Variants in XIRP2 observed in about 807,000 individuals in gnomAD.
The protein encoded by XIRP2 is xin actin-binding repeat-containing protein 2.
A neutral mutation model predicts 277.0 loss-of-function variants in XIRP2; 236 were observed. That is an observed-to-expected ratio of 0.85 (90% CI 0.77 to 0.95). The LOEUF is 0.95. XIRP2 is among the 40% of genes least tolerant of loss of function. The pLI is 0.00. For synonymous variants in XIRP2, 1,490 were observed against 1,416.5 expected, an observed-to-expected ratio of 1.05 and a Z score of -1.17; for missense variants, 4,640 against 4,157.5, an observed-to-expected ratio of 1.12 and a Z score of -3.19.
chr2:167,091,233 A>G (rs1690138544), intron 2 of XIRP2, among the ~76,000 whole-genome samples: 1 of 151,740 alleles, frequency 6.6e-6, no homozygotes, highest in Non-Finnish European at 1.5e-5. Context: ...CTGTGACTTG[A>G]TGTCTTTATT....
At chr2:167,193,035 TTCCAAGATTCATCATCCCTTCATCA>T (rs1314468272) in intron 3 of XIRP2, among the ~76,000 whole-genome samples, 18 of 152,316 alleles carry the variant, frequency 1.2e-4, no homozygotes, top group Non-Finnish European at 2.5e-4. Context: ...ATGGAAATAA[TTCCAAGATTCATCATCCCTTCATCA>T]TCCAGATCTG....
intron 2 of XIRP2, among the ~76,000 whole-genome samples, chr2:167,089,175 G>A (rs891772876): frequency 2.6e-5 from 4 of 151,984 alleles, no homozygotes; most frequent in Admixed American, 2.6e-4. Context: ...CACAGTTCCA[G>A]CATCACATGT....
Position 167,247,939 on chromosome 2 carries a change from C to G in XIRP2, c.6547C>G (p.Gln2183Glu), listed in dbSNP as rs1695332692. Reference protein sequence around the residue: ...GGTYDLSGDFQKQTLLKQETK... With the variant: ...GGTYDLSGDFEKQTLLKQETK... ...AACTTACGACCTTTCAGGGGACTTT[C>G]AGAAGCAAACTTTGTTAAAGCAAGA... is the stretch of plus-strand genomic sequence containing the variant. The change falls in exon 9 of 11, where the codon CAG (glutamine) becomes GAG (glutamate). Residue 2183 changes from glutamine (Q) to glutamate (E), a missense_variant. Gln to Glu is a conservative substitution (Grantham distance 29). Transcript: ENST00000409195. The G allele has an allele frequency of 1.2e-6, 2 of 1,610,204 alleles. No homozygotes were observed. The highest frequency in any genetic ancestry group is 1.7e-6 in the Non-Finnish European group (2 of 1,179,038).
intron 2 of XIRP2, among the ~76,000 whole-genome samples, chr2:166,969,967 T>C (rs188900055): frequency 7.9e-4 from 120 of 152,138 alleles, no homozygotes; most frequent in Non-Finnish European, 1.5e-3. Context: ...CTCAGTTTCA[T>C]GAACCATTAG....
chr2:167,081,310 T>TA (rs975630876), intron 2 of XIRP2, among the ~76,000 whole-genome samples: 13 of 151,912 alleles, frequency 8.6e-5, no homozygotes, highest in Admixed American at 5.2e-4. Context: ...CTGCAAAAAA[T>TA]AAAAATTAAA....
At chr2:166,998,583 G>A (rs576622928) in intron 2 of XIRP2, among the ~76,000 whole-genome samples, 2 of 152,222 alleles carry the variant, frequency 1.3e-5, no homozygotes, top group East Asian at 3.9e-4. Context: ...CTTGCAGTGA[G>A]CTGTGATAGC....
At chr2:167,141,565 C>T (rs1691718941) in intron 3 of XIRP2, among the ~76,000 whole-genome samples, 1 of 152,098 alleles carries the variant, frequency 6.6e-6, no homozygotes, top group African/African-American at 2.4e-5. Context: ...GAATCAGCCA[C>T]ACGGGAAGGT....
chr2:167,251,845 C>T lies in XIRP2; in HGVS notation c.10453C>T (p.Gln3485Ter), dbSNP rs1695516831. 3 of 1,612,684 alleles carry T rather than the reference C, an allele frequency of 1.9e-6. No homozygotes were observed. In the African/African-American group the frequency reaches 4.0e-5, roughly 22 times the overall value. Residue 3485 changes from glutamine (Q) to a stop codon, truncating the protein, a stop_gained, in exon 9 of 11, where the codon CAA becomes TAA. Coordinates refer to ENST00000409195, the MANE Select transcript of XIRP2 (RefSeq NM_152381.6). LOFTEE classifies it high-confidence loss of function. ...AAGAAAAAATTTTCAAAAGACGTGG[C>T]AAGAGAGTGGAAGAGTTTTTAAAGG... ...EVRKNFQKTW[Q>*]ESGRVFKGLG... is the part of the protein sequence containing the mutation.
intron 2 of XIRP2, among the ~76,000 whole-genome samples, chr2:167,119,803 G>T (rs79794777): frequency 0.04 from 6,144 of 152,202 alleles, 173 homozygotes; most frequent in South Asian, 0.082. Context: ...TTTATAGGAA[G>T]ATTTTGTTTC....
At chr2:167,021,152 A>G (rs1446989207) in intron 2 of XIRP2, among the ~76,000 whole-genome samples, 2 of 152,046 alleles carry the variant, frequency 1.3e-5, no homozygotes, top group Admixed American at 6.6e-5. Context: ...CTGATATATA[A>G]TCATTTTGGC....
chr2:166,927,544 C>T (rs1011190936), intron 2 of XIRP2, among the ~76,000 whole-genome samples: 1 of 152,130 alleles, frequency 6.6e-6, no homozygotes, highest in Non-Finnish European at 1.5e-5. Context: ...TCTTCAAAGC[C>T]AGCAATAATG....
intron 3 of XIRP2, among the ~76,000 whole-genome samples, chr2:167,207,260 A>G (rs1184354808): frequency 1.3e-5 from 2 of 152,212 alleles, no homozygotes; most frequent in Non-Finnish European, 2.9e-5. Flanking sequence ...TAACAAATCT[A>G]TCAATGATCC....
intron 3 of XIRP2, among the ~76,000 whole-genome samples, chr2:167,206,152 A>AACTT (rs563597403): frequency 1.3e-3 from 203 of 152,292 alleles, no homozygotes; most frequent in African/African-American, 4.5e-3. Context: ...TTTTTCCATG[A>AACTT]ACTTAAAATG....
chr2:167,059,624 C>T (rs1689129831), intron 2 of XIRP2, among the ~76,000 whole-genome samples: 1 of 152,060 alleles, frequency 6.6e-6, no homozygotes, highest in African/African-American at 2.4e-5. Context: ...GAATGTCTTT[C>T]CTCCCACCTC....
At chr2:167,147,451 G>A (rs532439001) in intron 3 of XIRP2, among the ~76,000 whole-genome samples, 3 of 152,256 alleles carry the variant, frequency 2.0e-5, no homozygotes, top group Admixed American at 2.0e-4. Context: ...TATGATGGGG[G>A]CCTTGGACCA....
At chr2:167,079,056 T>G (rs1351883981) in intron 2 of XIRP2, among the ~76,000 whole-genome samples, 2 of 152,122 alleles carry the variant, frequency 1.3e-5, no homozygotes, top group East Asian at 3.9e-4. Flanking sequence ...TTCCTGAGGG[T>G]TTTTATCATG....
chr2:167,169,997 T>C (rs548163804), intron 3 of XIRP2, among the ~76,000 whole-genome samples: 68 of 152,244 alleles, frequency 4.5e-4, no homozygotes, highest in African/African-American at 1.6e-3. Flanking sequence ...ATTCTTAATA[T>C]AGAAAAAGCA....
chr2:167,009,820 G>A (rs10931072), intron 2 of XIRP2, among the ~76,000 whole-genome samples: 12 of 152,114 alleles, frequency 7.9e-5, no homozygotes, highest in South Asian at 2.1e-4. Context: ...AGCCAGTGAC[G>A]GTGAGCATTT....
At chr2:167,166,405 G>A (rs1692521303) in intron 3 of XIRP2, among the ~76,000 whole-genome samples, 1 of 152,126 alleles carries the variant, frequency 6.6e-6, no homozygotes, top group South Asian at 2.1e-4. Flanking sequence ...AGTGTTCCAT[G>A]TGAACCTGAA....
Sources: allele counts gnomAD v4.1 joint callset (sites outside exome capture counted in the v4.1 genomes callset), GRCh38; gene constraint gnomAD v4.1.1; transcripts MANE v1.5; gene names NCBI Gene and HGNC (gene_info 2026-07-23, HGNC 2026-07-21).